Variants in PTPN6 observed in about 807,000 individuals in gnomAD.
The protein encoded by PTPN6 is tyrosine-protein phosphatase non-receptor type 6.
Under a neutral mutation model 81.5 loss-of-function variants are expected in PTPN6, and 18 were observed. The observed-to-expected ratio is 0.22, with a 90% confidence interval of 0.15 to 0.33. PTPN6 has a LOEUF of 0.33. Among genes scored for constraint, PTPN6 ranks in the 10% least tolerant of loss-of-function variants. The pLI is 1.00. For synonymous variants in PTPN6, 301 were observed against 310.9 expected (o/e 0.97, Z 0.33); for missense variants, 500 against 794.2 (o/e 0.63, Z 4.45).
At chr12:6,950,324 C>A (rs1004947729), upstream of PTPN6, among the ~76,000 whole-genome samples, 11 of 152,024 alleles carry the variant, frequency 7.2e-5, no homozygotes, top group Non-Finnish European at 1.2e-4. Flanking sequence ...TCTTATGTAT[C>A]CCCTGTTGAG....
chr12:6,955,831 C>T lies in PTPN6; in HGVS notation c.844+75C>T. The stretch of plus-strand genomic sequence containing the variant: ...CTGCCTCCCCTCATCTCACAGGTCT[C>T]CACCCTCCACGCCAGGAGGGGCCAT... On this transcript the variant is annotated intron_variant, in intron 7 of 15. Coordinates refer to ENST00000318974, the MANE Select transcript of PTPN6 (RefSeq NM_002831.6). This position sits in a 1 kb window ranked among gnomAD's most constrained non-coding sequence, Gnocchi z 7.2. The T allele has an allele frequency of 7.3e-7, 1 of 1,372,728 alleles. No homozygotes were observed. The highest frequency in any genetic ancestry group is 2.3e-5 in the East Asian group (1 of 43,596). 85.0% of individuals were successfully genotyped at this position (1,372,728 alleles called of 1,614,324 possible).
chr12:6,947,724 G>A (rs139403024), upstream of PTPN6, among the ~76,000 whole-genome samples: 117 of 151,938 alleles, frequency 7.7e-4, no homozygotes, highest in South Asian at 0.016. Flanking sequence ...CAAGTGACTG[G>A]GTGTGCAGGT....
In PTPN6 at chr12:6,959,921, C is replaced by A. The variant is rs782384142; in HGVS notation, c.1362-6C>A. 1 of 1,611,066 alleles carries A rather than the reference C, an allele frequency of 6.2e-7. No individual in the cohort carries two copies. Among genetic ancestry groups the A allele is most frequent in the Non-Finnish European group, 8.5e-7 (1 of 1,179,806 alleles). ...GGCCTCTGATGGCACCCCCGTCTTTCCCCAGCGCCGGCATCGGCCGCACAG... is the reference window on the plus strand; with the variant it reads ...GGCCTCTGATGGCACCCCCGTCTTTACCCAGCGCCGGCATCGGCCGCACAG... On this transcript the variant is annotated splice_region_variant and splice_polypyrimidine_tract_variant and intron_variant, in intron 11 of 15. Coordinates refer to ENST00000318974, the MANE Select transcript of PTPN6 (RefSeq NM_002831.6). The surrounding 1 kb of genome is among the most constrained non-coding windows in gnomAD (Gnocchi z 6.6).
chr12:6,950,359 C>T (rs781850040), upstream of PTPN6, among the ~76,000 whole-genome samples: 78 of 152,064 alleles, frequency 5.1e-4, no homozygotes, highest in African/African-American at 1.2e-3. Context: ...TTTGGTTTGG[C>T]GGTGTTGATG....
Position 6,951,689 on chromosome 12 carries a change from G to C in PTPN6, c.89G>C (p.Arg30Pro). The C allele has an allele frequency of 6.2e-7, 1 of 1,613,502 alleles. No individual in the cohort carries two copies. Among genetic ancestry groups the C allele is most frequent in the Non-Finnish European group, 8.5e-7 (1 of 1,179,968 alleles). ...GRGVHGSFLA[R>P]PSRKNQGDFS... is the part of the protein sequence containing the mutation. ...GGTGTCCACGGTAGCTTCCTGGCTC[G>C]GCCCAGTCGCAAGAACCAGGGTGAC... The change falls in exon 2 of 16, where the codon CGG (arginine) becomes CCG (proline). Residue 30 changes from arginine to proline, a missense_variant. Transcript: ENST00000318974. This position sits in a 1 kb window ranked among gnomAD's most constrained non-coding sequence, Gnocchi z 7.2.
At position 6,959,621 on chromosome 12, in the gene PTPN6, C is replaced by G. The variant is rs957874824; in HGVS notation, c.1362-306C>G. 1.3e-5 allele frequency: 7 copies of G among 548,760 alleles called. No individual in the cohort carries two copies. In the African/African-American group the frequency reaches 1.3e-4, roughly 10 times the overall value. 34.0% of individuals were successfully genotyped at this position (548,760 alleles called of 1,614,324 possible). On this transcript the variant is annotated intron_variant, in intron 11 of 15. Coordinates refer to ENST00000318974, the MANE Select transcript of PTPN6 (RefSeq NM_002831.6). This position sits in a 1 kb window ranked among gnomAD's most constrained non-coding sequence, Gnocchi z 6.6. ...CAGGACAGTGGTGGGATTTGGGGGT[C>G]CCAGGTCTTCCGGGGTGGGGGCAGC...
chr12:6,960,020 G>A lies in PTPN6; in HGVS notation c.1429+26G>A. ...GTGAGGGGCACCTGGGGGTTTGGGG[G>A]TGGGGGGTGAGCAGCCCCTCGGTGT... is the stretch of plus-strand genomic sequence containing the variant. On this transcript the variant is annotated intron_variant, in intron 12 of 15. Transcript: ENST00000318974. The surrounding 1 kb of genome is among the most constrained non-coding windows in gnomAD (Gnocchi z 6.1). 6.2e-7 allele frequency: 1 copy of A among 1,611,276 alleles called. No individual in the cohort carries two copies.
upstream of PTPN6, among the ~76,000 whole-genome samples, chr12:6,948,451 G>A (rs1205978348): frequency 2.2e-5 from 3 of 135,696 alleles, no homozygotes; most frequent in African/African-American, 2.8e-5. Flanking sequence ...AAAAAAAAAA[G>A]AGAGGGAAGG....
chr12:6,948,957 AAAAAG>A (rs1419145298), upstream of PTPN6, among the ~76,000 whole-genome samples: 102 of 151,860 alleles, frequency 6.7e-4, no homozygotes, highest in African/African-American at 1.9e-3. Flanking sequence ...AAAAAAAAAA[AAAAAG>A]AAAAGAAAAA....
chr12:6,947,668 C>CAAAAAAA (rs112544780), upstream of PTPN6, among the ~76,000 whole-genome samples: 1 of 64,786 alleles, frequency 1.5e-5, no homozygotes, highest in South Asian at 4.7e-4. Context: ...GACCTTGTCT[C>CAAAAAAA]AAAAAAAAAA....
Position 6,952,178 on chromosome 12 carries a change from G to A in PTPN6, c.326+1G>A, listed in dbSNP as rs1555147888. 1.9e-6 allele frequency: 3 copies of A among 1,613,490 alleles called. No homozygotes were observed. Among genetic ancestry groups the A allele is most frequent in the Non-Finnish European group, 1.7e-6 (2 of 1,179,988 alleles). On this transcript the variant is annotated splice_donor_variant, in intron 3 of 15. Coordinates refer to ENST00000318974, the MANE Select transcript of PTPN6 (RefSeq NM_002831.6). LOFTEE classifies it high-confidence loss of function. The surrounding 1 kb of genome is among the most constrained non-coding windows in gnomAD (Gnocchi z 8.1). Reference sequence around the variant, plus strand: ...ACTGCTCCGATCCCACTAGTGAGAGGTGAGGGCTCCGCACCCCCGCCATTC... The same window carrying A: ...ACTGCTCCGATCCCACTAGTGAGAGATGAGGGCTCCGCACCCCCGCCATTC...
rs1946008918 is a variant in PTPN6 at position 6,955,367 on chromosome 12, C to T, written c.634-5C>T. ...TTGCTGACTTCTCGCTCTTCCCCAC[C>T]CCAGCCGTACTATGCCACGAGGGTG... On this transcript the variant is annotated splice_polypyrimidine_tract_variant and splice_region_variant and intron_variant, in intron 5 of 15. Transcript: ENST00000318974. This position sits in a 1 kb window ranked among gnomAD's most constrained non-coding sequence, Gnocchi z 7.2. 6.2e-7 allele frequency: 1 copy of T among 1,613,928 alleles called. No homozygotes were observed. The highest frequency in any genetic ancestry group is 8.5e-7 in the Non-Finnish European group (1 of 1,179,804).
upstream of PTPN6, among the ~76,000 whole-genome samples, chr12:6,950,883 A>G (rs1945911282): frequency 1.3e-5 from 2 of 152,166 alleles, no homozygotes; most frequent in Admixed American, 6.5e-5. Flanking sequence ...CTTGTCTGTA[A>G]AATGATAAAG....
At chr12:6,953,559 C>T (rs1344082442) in intron 3 of PTPN6, 1 of 152,254 alleles carries the variant, frequency 6.6e-6, no homozygotes, top group African/African-American at 2.4e-5. Flanking sequence ...CACCCCTGAG[C>T]CTGGGAGTGT....
At position 6,959,053 on chromosome 12, in the gene PTPN6, T is replaced by A. The variant is rs1034118487; in HGVS notation, c.1362-874T>A. Among the ~76,000 whole-genome samples, 1 of 152,224 alleles carries A rather than the reference T, an allele frequency of 6.6e-6. No individual in the cohort carries two copies. The highest frequency in any genetic ancestry group is 1.5e-5 in the Non-Finnish European group (1 of 68,042). On this transcript the variant is annotated intron_variant, in intron 11 of 15. Transcript: ENST00000318974. The surrounding 1 kb of genome is among the most constrained non-coding windows in gnomAD (Gnocchi z 6.6). ...CGTGGACCCCAGGCCTGCGACGGCC[T>A]CTGGCTTCCTCCTCTTCCCCCAGCA...
At chr12:6,951,173 C>A (rs1247679095), upstream of PTPN6, 7 of 1,280,170 alleles carry the variant, frequency 5.5e-6, no homozygotes, top group South Asian at 1.6e-5. The surrounding 1 kb of genome is among the most constrained non-coding windows in gnomAD (Gnocchi z 7.2). Context: ...CACATATGTG[C>A]AATGCCATGC....
upstream of PTPN6, among the ~76,000 whole-genome samples, chr12:6,947,541 C>T (rs781790021): frequency 3.0e-4 from 45 of 151,992 alleles, no homozygotes; most frequent in African/African-American, 9.4e-4. Context: ...TGGTGGCACA[C>T]GTCCTGTGGT....
rs1945946779 is a variant in PTPN6 at position 6,952,548 on chromosome 12, T to C, written c.326+371T>C. 5.6e-6 allele frequency: 2 copies of C among 356,610 alleles called. No individual in the cohort carries two copies. The highest frequency in any genetic ancestry group is 1.1e-5 in the Non-Finnish European group (2 of 185,050). The allele number at this position is 356,610 out of a possible 1,614,324, so 22.1% of individuals were successfully genotyped here. On this transcript the variant is annotated intron_variant, in intron 3 of 15. Transcript: ENST00000318974. This position sits in a 1 kb window ranked among gnomAD's most constrained non-coding sequence, Gnocchi z 8.1. ...TCTTCCTCTGGAATCGAGCCTGCCTTCCTCCGTCTGCCCCTCACCCCAGCA... is the reference window on the plus strand; with the variant it reads ...TCTTCCTCTGGAATCGAGCCTGCCTCCCTCCGTCTGCCCCTCACCCCAGCA...
chr12:6,960,535 C>T lies in PTPN6; in HGVS notation c.1673+100C>T, dbSNP rs782129575. The T allele has an allele frequency of 6.2e-6, 9 of 1,457,516 alleles. No individual in the cohort carries two copies. In the South Asian group the frequency reaches 9.6e-5, roughly 16 times the overall value. The allele number at this position is 1,457,516 out of a possible 1,614,324, so 90.3% of individuals were successfully genotyped here. ...GGACAAGTGTTGCAGCTGGGGGGACCTGGCTTCAAGTTCAGGCTTGGTTCT... is the reference window on the plus strand; with the variant it reads ...GGACAAGTGTTGCAGCTGGGGGGACTTGGCTTCAAGTTCAGGCTTGGTTCT... On this transcript the variant is annotated intron_variant, in intron 14 of 15. Transcript: ENST00000318974. The surrounding 1 kb of genome is among the most constrained non-coding windows in gnomAD (Gnocchi z 6.1).
Sources: gnomAD v4.1 joint callset for allele counts (sites outside exome capture counted in the v4.1 genomes callset) on GRCh38, gnomAD v4.1.1 for gene constraint, Gnocchi (gnomAD v3.1) non-coding constraint, MANE v1.5 for transcripts, NCBI Gene and HGNC (gene_info 2026-07-23, HGNC 2026-07-21) for gene names.